The following COL25A1 variants were observed in gnomAD, a reference collection of about 807,000 sequenced individuals.
COL25A1 encodes collagen type XXV alpha 1 chain, also known as collagen alpha-1(XXV) chain.
A neutral mutation model predicts 128.4 loss-of-function variants in COL25A1; 103 were observed. The ratio of observed to expected loss-of-function variants is 0.80; its 90% CI spans 0.68 to 0.94. The LOEUF (loss-of-function observed/expected upper bound fraction) is 0.94, where lower values mean the gene tolerates loss of function less well. Among genes scored for constraint, COL25A1 ranks in the 40% least tolerant of loss-of-function variants. The pLI, the probability that COL25A1 is intolerant of heterozygous loss-of-function variation, is 0.00. For missense variants in COL25A1, 745 were observed against 840.0 expected, an observed-to-expected ratio of 0.89 and a Z score of 1.40; for synonymous variants, 279 against 277.2, an observed-to-expected ratio of 1.01 and a Z score of -0.06.
chr4:108,889,033 T>G (rs142910039), intron 18 of COL25A1, among the ~76,000 whole-genome samples, 188 bp downstream of exon 18: 4 of 152,374 alleles, frequency 2.6e-5, no homozygotes, highest in Admixed American at 2.6e-4. Flanking sequence ...ATATATAAAG[T>G]TTGTTTGCAC....
chr4:109,008,880 C>T (rs1756307319), intron 6 of COL25A1, among the ~76,000 whole-genome samples: 1 of 152,066 alleles, frequency 6.6e-6, no homozygotes, highest in African/African-American at 2.4e-5. Flanking sequence ...TTTTGGGAGG[C>T]CAAGGTGGGT....
intron 8 of COL25A1, among the ~76,000 whole-genome samples, chr4:108,948,426 T>A (rs9991163): frequency 0.043 from 6,618 of 152,196 alleles, 369 homozygotes; most frequent in African/African-American, 0.13. Flanking sequence ...CCTTCTGTAG[T>A]TGAATATAAT....
chr4:108,956,054 G>C (rs1750038289), intron 8 of COL25A1, among the ~76,000 whole-genome samples: 1 of 152,220 alleles, frequency 6.6e-6, no homozygotes, highest in African/African-American at 2.4e-5. Context: ...ATAGAAGAGA[G>C]AAAAAGGTAG....
chr4:109,177,718 T>C (rs1053240106), intron 3 of COL25A1, among the ~76,000 whole-genome samples: 1 of 152,226 alleles, frequency 6.6e-6, no homozygotes, highest in African/African-American at 2.4e-5. Flanking sequence ...CTAATGAGGA[T>C]GTGCCAGGAC....
At chr4:109,293,235 C>G (rs1724641847) in intron 3 of COL25A1, among the ~76,000 whole-genome samples, 1 of 152,040 alleles carries the variant, frequency 6.6e-6, no homozygotes, top group Non-Finnish European at 1.5e-5. Flanking sequence ...GAGAATTCCT[C>G]TGGCTCCCTA....
chr4:109,001,045 A>G (rs1176634194), intron 6 of COL25A1, among the ~76,000 whole-genome samples: 1 of 152,168 alleles, frequency 6.6e-6, no homozygotes, highest in Non-Finnish European at 1.5e-5. Flanking sequence ...ATGAAAAATT[A>G]ATGGGAGATT....
chr4:109,129,664 T>C (rs1768980891), intron 3 of COL25A1, among the ~76,000 whole-genome samples: 1 of 152,188 alleles, frequency 6.6e-6, no homozygotes, highest in South Asian at 2.1e-4. Flanking sequence ...AGGCTAGTCT[T>C]TGATTTGTAA....
intron 3 of COL25A1, among the ~76,000 whole-genome samples, chr4:109,206,804 T>A (rs192957486): frequency 6.6e-6 from 1 of 152,284 alleles, no homozygotes; most frequent in East Asian, 1.9e-4. Flanking sequence ...AGGGTGGGGA[T>A]GAGTGGGAAA....
chr4:109,059,171 C>T (rs1000013768), intron 3 of COL25A1, among the ~76,000 whole-genome samples: 2 of 152,176 alleles, frequency 1.3e-5, no homozygotes, highest in Non-Finnish European at 2.9e-5. Context: ...CCATCACGCA[C>T]CTTGCACTGG....
intron 3 of COL25A1, among the ~76,000 whole-genome samples, chr4:109,095,320 T>C (rs1386796991): frequency 6.6e-6 from 1 of 152,248 alleles, no homozygotes; most frequent in Non-Finnish European, 1.5e-5. Context: ...GACTGAGCTT[T>C]CTTTAGAACA....
intron 6 of COL25A1, among the ~76,000 whole-genome samples, chr4:108,975,324 C>T (rs1332121086): frequency 3.3e-5 from 5 of 152,100 alleles, no homozygotes; most frequent in East Asian, 1.9e-4. Flanking sequence ...GGTGTGGTGG[C>T]GCATGCCTGT....
At chr4:109,129,082 T>A (rs557635428) in intron 3 of COL25A1, among the ~76,000 whole-genome samples, 4 of 152,278 alleles carry the variant, frequency 2.6e-5, no homozygotes, top group South Asian at 4.1e-4. Flanking sequence ...GGCTTGGGAA[T>A]CAGTGAAATA....
chr4:108,845,330 C>G lies in COL25A1; in HGVS notation c.1516-79G>C, dbSNP rs72897007. ...AGACAACTGAATTTTCTCCCCAAACCCATTGTTCTCTTGACATTTTATAAT... is the reference window on the plus strand; with the variant it reads ...AGACAACTGAATTTTCTCCCCAAACGCATTGTTCTCTTGACATTTTATAAT... On this transcript the variant is annotated intron_variant, in intron 28 of 37. Transcript: ENST00000399132. 2.2e-3 allele frequency: 2,366 copies of G among 1,083,944 alleles called. 34 individuals carry two copies. The African/African-American group carries it at 0.033, about 15-fold the overall frequency. The allele number at this position is 1,083,944 out of a possible 1,614,324, so 67.1% of individuals were successfully genotyped here. A position where few individuals can be genotyped will look rare whatever the true frequency, so the allele number is the denominator to read the frequency against.
chr4:109,069,968 A>ATT (rs201884527), intron 3 of COL25A1, among the ~76,000 whole-genome samples: 3,181 of 127,262 alleles, frequency 0.025, 48 homozygotes, highest in Middle Eastern at 0.043. Context: ...AAGAGCAATA[A>ATT]TTTTTTTTTT....
At chr4:109,220,341 A>G (rs1383465983) in intron 3 of COL25A1, among the ~76,000 whole-genome samples, 1 of 152,212 alleles carries the variant, frequency 6.6e-6, no homozygotes, top group Non-Finnish European at 1.5e-5. Context: ...CGCTTCAGGT[A>G]CTTGTGGTTT....
intron 3 of COL25A1, among the ~76,000 whole-genome samples, chr4:109,135,044 A>C (rs1769586877): frequency 1.5e-5 from 2 of 135,112 alleles, no homozygotes; most frequent in South Asian, 2.3e-4. Flanking sequence ...AAAAAAAAAA[A>C]AACCAAGAGA....
At chr4:109,035,711 A>G (rs1216243764) in intron 5 of COL25A1, among the ~76,000 whole-genome samples, 2 of 152,098 alleles carry the variant, frequency 1.3e-5, no homozygotes, top group African/African-American at 2.4e-5. Context: ...ATCTACACAT[A>G]GGAAACTTCA....
chr4:108,823,022 A>G (rs749673242), intron 35 of COL25A1, among the ~76,000 whole-genome samples: 1 of 152,118 alleles, frequency 6.6e-6, no homozygotes, highest in Admixed American at 6.5e-5. Context: ...TCTCTTACCA[A>G]TGGGTGGGAG....
intron 3 of COL25A1, among the ~76,000 whole-genome samples, chr4:109,263,889 C>T (rs989044827): frequency 4.6e-5 from 7 of 152,160 alleles, no homozygotes; most frequent in Non-Finnish European, 7.3e-5. Flanking sequence ...TTAACACTTG[C>T]TAAATGTCCT....
Sources: gnomAD v4.1 joint callset for allele counts (sites outside exome capture counted in the v4.1 genomes callset) on GRCh38, gnomAD v4.1.1 for gene constraint, MANE v1.5 for transcripts, NCBI Gene and HGNC (gene_info 2026-07-23, HGNC 2026-07-21) for gene names.